Variants in MTR observed in about 807,000 individuals in gnomAD.
MTR encodes 5-methyltetrahydrofolate-homocysteine methyltransferase.
Under a neutral mutation model 154.8 loss-of-function variants are expected in MTR, and 84 were observed. The observed-to-expected ratio is 0.54, with a 90% CI of 0.45 to 0.65. The LOEUF (loss-of-function observed/expected upper bound fraction) is 0.65. Ranked by LOEUF, MTR falls within the 30% of genes least tolerant of loss-of-function variation. The probability of loss-of-function intolerance (pLI) is 0.00; values close to 1 mark genes in which losing one functional copy is unlikely to be tolerated. For synonymous variants in MTR, 554 were observed against 553.9 expected, an observed-to-expected ratio of 1.00 and a Z score of 0.00; for missense variants, 1,275 against 1,570.2, an observed-to-expected ratio of 0.81 and a Z score of 3.18.
intron 12 of MTR, 134 bp downstream of exon 12, chr1:236,829,402 A>G: frequency 2.5e-6 from 2 of 807,584 alleles, no homozygotes; most frequent in African/African-American, 1.7e-5. Context: ...CTTGGCGCTT[A>G]AATGAATTCT....
At chr1:236,809,201 A>G (rs571227365) in intron 4 of MTR, among the ~76,000 whole-genome samples, 7 of 152,330 alleles carry the variant, frequency 4.6e-5, no homozygotes, top group South Asian at 2.1e-4. Flanking sequence ...ATTGGCTGAT[A>G]TAGGTAAAGA....
chr1:236,805,061 GT>G (rs1381395298), intron 2 of MTR, among the ~76,000 whole-genome samples: 1 of 152,150 alleles, frequency 6.6e-6, no homozygotes, highest in Non-Finnish European at 1.5e-5. Context: ...TATTTCGGAT[GT>G]TTGTTATTGT....
At chr1:236,818,131 G>A (rs760959150) in intron 8 of MTR, among the ~76,000 whole-genome samples, 3 of 152,088 alleles carry the variant, frequency 2.0e-5, no homozygotes, top group African/African-American at 7.2e-5. Context: ...TTTGTTATGT[G>A]GTTAAGTAAA....
At chr1:236,795,923 C>T (rs1660357003) in intron 1 of MTR, among the ~76,000 whole-genome samples, 186 bp downstream of exon 1, 1 of 152,248 alleles carries the variant, frequency 6.6e-6, no homozygotes, top group Admixed American at 6.5e-5. Context: ...CACTCTTTGT[C>T]CGACCTTCAC....
chr1:236,892,754 T>G (rs1369639294), intron 29 of MTR, among the ~76,000 whole-genome samples: 1 of 152,150 alleles, frequency 6.6e-6, no homozygotes, highest in African/African-American at 2.4e-5. Context: ...ACTAGGGAAT[T>G]TGTGGCTATT....
intron 27 of MTR, 137 bp from the exon 28 acceptor site, chr1:236,889,044 C>G: frequency 9.5e-7 from 1 of 1,054,320 alleles, no homozygotes; most frequent in Non-Finnish European, 1.5e-6. Context: ...AAGTTCCCCT[C>G]TTTGTAAAAC....
chr1:236,896,724 G>A (rs768508113), intron 31 of MTR, among the ~76,000 whole-genome samples: 3 of 152,158 alleles, frequency 2.0e-5, no homozygotes, highest in Non-Finnish European at 4.4e-5. Flanking sequence ...TAGGGCACCT[G>A]TAACTGATCT....
chr1:236,865,781 AT>A (rs939867669), intron 22 of MTR, among the ~76,000 whole-genome samples: 3 of 151,132 alleles, frequency 2.0e-5, no homozygotes, highest in Admixed American at 2.0e-4. Context: ...AGTATCACTG[AT>A]TTTTTTTTCT....
chr1:236,799,930 C>A (rs2103000665), intron 1 of MTR: 2 of 401,004 alleles, frequency 5.0e-6, no homozygotes, highest in Non-Finnish European at 6.8e-6. Context: ...TGTTTTTAAA[C>A]AGCTTTTGAT....
chr1:236,878,494 A>G lies in MTR; in HGVS notation c.2595-2261A>G, dbSNP rs143259533. 1.3e-3 allele frequency among the ~76,000 whole-genome samples: 198 copies of G among 152,270 alleles called. 3 individuals are homozygous for G. In the East Asian group the frequency reaches 0.03, roughly 23 times the overall value. On this transcript the variant is annotated intron_variant, in intron 24 of 32. Coordinates refer to ENST00000366577, the MANE Select transcript of MTR (RefSeq NM_000254.3). Reference sequence around the variant, plus strand: ...GAACTGTACCCCCAAGATACTCGAAATGAAGGTTAAGGCTGTCTAGTGCAG... The same window carrying G: ...GAACTGTACCCCCAAGATACTCGAAGTGAAGGTTAAGGCTGTCTAGTGCAG...
At chr1:236,796,286 A>G (rs146927994) in intron 1 of MTR, among the ~76,000 whole-genome samples, 1 of 152,316 alleles carries the variant, frequency 6.6e-6, no homozygotes, top group Non-Finnish European at 1.5e-5. Flanking sequence ...ACCTCCAGAT[A>G]CCGAAATGGG....
At position 236,895,498 on chromosome 1, in the gene MTR, C is replaced by T; in HGVS notation, c.3546C>T (p.Asp1182=). The change falls in exon 31 of 33, where the codon GAC becomes GAT. Residue 1182 remains aspartate (D), a synonymous_variant. Transcript: ENST00000366577. ...RPAPGYPSQP[D]HTEKLTMWRL... is the part of the protein sequence containing the mutation. ...CTCCTGGCTACCCCAGCCAGCCCGA[C>T]CACACCGAGAAGCTCACCATGTGGA... 6.3e-7 allele frequency: 1 copy of T among 1,594,880 alleles called. No homozygotes were observed. The highest frequency in any genetic ancestry group is 8.5e-7 in the Non-Finnish European group (1 of 1,170,120).
chr1:236,852,495 T>A, intron 16 of MTR, 26 bp from the exon 17 acceptor site: 1 of 1,569,746 alleles, frequency 6.4e-7, no homozygotes, highest in Non-Finnish European at 8.8e-7. Context: ...AAGGGGAATC[T>A]TTTCATATTT....
intron 8 of MTR, among the ~76,000 whole-genome samples, chr1:236,816,993 T>G (rs1371038893): frequency 6.6e-6 from 1 of 152,168 alleles, no homozygotes; most frequent in African/African-American, 2.4e-5. Flanking sequence ...AGAGGATCTC[T>G]TAAGGCCAGG....
At chr1:236,835,714 G>A (rs1360977151) in intron 14 of MTR, 27 bp downstream of exon 14, 17 of 1,613,446 alleles carry the variant, frequency 1.1e-5, no homozygotes, top group Non-Finnish European at 1.4e-5. Context: ...GTTTATCAGG[G>A]GGATTTACTT....
At chr1:236,850,666 A>G in intron 16 of MTR, 143 bp downstream of exon 16, 1 of 824,410 alleles carries the variant, frequency 1.2e-6, no homozygotes, top group Non-Finnish European at 1.9e-6. Flanking sequence ...GAAATGTAGG[A>G]GACCTTATTT....
In MTR at chr1:236,903,417, T is replaced by A. The variant is rs1488980438; in HGVS notation, c.*5773T>A. 1 of 152,238 alleles carries A rather than the reference T, an allele frequency of 6.6e-6. No homozygotes were observed. Among genetic ancestry groups the A allele is most frequent in the Admixed American group, 6.5e-5 (1 of 15,282 alleles). The allele number at this position is 152,238 out of a possible 1,614,324, so 9.4% of individuals were successfully genotyped here. A position where few individuals can be genotyped will look rare whatever the true frequency, so the allele number is the denominator to read the frequency against. ...AGCCAGTCCCATGTTTTTTTAACAC[T>A]TGGAATATCTAATTCCATTTACACT... On this transcript the variant is annotated 3_prime_UTR_variant, in exon 33 of 33. Coordinates refer to ENST00000366577, the MANE Select transcript of MTR (RefSeq NM_000254.3).
chr1:236,862,251 C>T lies in MTR; in HGVS notation c.2212C>T (p.Arg738Trp), dbSNP rs200803446. 7 of 1,613,652 alleles carry T rather than the reference C, an allele frequency of 4.3e-6. No individual in the cohort carries two copies. Among genetic ancestry groups the T allele is most frequent in the Non-Finnish European group, 5.9e-6 (7 of 1,179,766 alleles). ...MFLPQVIKSA[R>W]VMKKAVGHLI... The stretch of plus-strand genomic sequence containing the variant: ...TTTTTCTCAGGTTATAAAGTCAGCC[C>T]GGGTTATGAAGAAGGCTGTTGGCCA... The change falls in exon 21 of 33, where the codon CGG (arginine) becomes TGG (tryptophan). Residue 738 changes from arginine (R) to tryptophan (W), a missense_variant. Physicochemically the swap from Arg to Trp is moderately radical, Grantham distance 101 (BLOSUM62 -3). Coordinates refer to ENST00000366577, the MANE Select transcript of MTR (RefSeq NM_000254.3).
At chr1:236,846,104 T>C (rs1369968789) in intron 15 of MTR, among the ~76,000 whole-genome samples, 4 of 152,262 alleles carry the variant, frequency 2.6e-5, no homozygotes, top group African/African-American at 9.6e-5. Context: ...AGGCTGGGCC[T>C]GAGACTTCTG....
Sources: gnomAD v4.1 joint callset for allele counts (sites outside exome capture counted in the v4.1 genomes callset) on GRCh38, gnomAD v4.1.1 for gene constraint, MANE v1.5 for transcripts, NCBI Gene and HGNC (gene_info 2026-07-23, HGNC 2026-07-21) for gene names.